Variants in KBTBD12 observed in about 807,000 individuals in gnomAD.
KBTBD12 encodes the protein kelch repeat and BTB domain-containing protein 12.
Under a neutral mutation model 58.7 loss-of-function variants are expected in KBTBD12, and 53 were observed. That is an observed-to-expected ratio of 0.90 (90% CI 0.72 to 1.14). The LOEUF (loss-of-function observed/expected upper bound fraction) is 1.14, where lower values mean the gene tolerates loss of function less well. KBTBD12 is among the 50% of genes most tolerant of loss of function. The probability of loss-of-function intolerance (pLI) is 0.00; values close to 1 mark genes in which losing one functional copy is unlikely to be tolerated. For synonymous variants in KBTBD12, 236 were observed against 259.8 expected (o/e 0.91, Z 0.88); for missense variants, 704 against 751.3 (o/e 0.94, Z 0.74).
chr3:127,917,385 G>A (rs1414456173), intron 1 of KBTBD12, among the ~76,000 whole-genome samples: 2 of 152,194 alleles, frequency 1.3e-5, no homozygotes, highest in African/African-American at 2.4e-5. Flanking sequence ...GGGGGAAGGG[G>A]TACAGCCAGG....
intron 4 of KBTBD12, among the ~76,000 whole-genome samples, chr3:127,941,431 C>A (rs1052745300): frequency 3.3e-5 from 5 of 152,152 alleles, no homozygotes; most frequent in Non-Finnish European, 7.3e-5. Context: ...GCCACATAAT[C>A]ACATCAATTG....
At chr3:127,938,538 T>C (rs1403276907) in intron 4 of KBTBD12, among the ~76,000 whole-genome samples, 2 of 152,058 alleles carry the variant, frequency 1.3e-5, no homozygotes, top group African/African-American at 4.8e-5. Context: ...AGACAACTGA[T>C]AACATGAAAT....
intron 5 of KBTBD12, among the ~76,000 whole-genome samples, chr3:127,982,532 G>A (rs59543419): frequency 1.7e-4 from 26 of 152,150 alleles, no homozygotes; most frequent in Admixed American, 3.3e-4. Flanking sequence ...GGATTCTCCC[G>A]TGGCCTACAC....
At chr3:127,948,007 C>A (rs1940121448) in intron 4 of KBTBD12, among the ~76,000 whole-genome samples, 1 of 152,142 alleles carries the variant, frequency 6.6e-6, no homozygotes, top group Admixed American at 6.5e-5. Flanking sequence ...CCTTCCATGA[C>A]ATCTTATAAA....
intron 5 of KBTBD12, among the ~76,000 whole-genome samples, chr3:127,968,912 C>T (rs1168043176): frequency 6.6e-6 from 1 of 152,002 alleles, no homozygotes; most frequent in Non-Finnish European, 1.5e-5. Context: ...AGATACTTAA[C>T]AAACTGGAAA....
chr3:127,945,916 T>A (rs1246690243), intron 4 of KBTBD12, among the ~76,000 whole-genome samples: 1 of 152,056 alleles, frequency 6.6e-6, no homozygotes, highest in East Asian at 1.9e-4. Context: ...TGGACTCAAA[T>A]GATCTGCCTG....
intron 4 of KBTBD12, among the ~76,000 whole-genome samples, chr3:127,953,322 C>G (rs1940249892): frequency 6.6e-6 from 1 of 152,154 alleles, no homozygotes; most frequent in African/African-American, 2.4e-5. Context: ...CGTTGGGAGT[C>G]AAAGGACTGA....
intron 5 of KBTBD12, among the ~76,000 whole-genome samples, chr3:127,983,351 G>A (rs902019126): frequency 4.6e-5 from 7 of 152,190 alleles, no homozygotes; most frequent in South Asian, 2.1e-4. Flanking sequence ...GTGGGGCCTA[G>A]TGGGAGGTGT....
At chr3:127,920,820 A>G (rs115003547) in intron 1 of KBTBD12, among the ~76,000 whole-genome samples, 2,220 of 151,942 alleles carry the variant, frequency 0.015, 33 homozygotes, top group Middle Eastern at 0.068. Context: ...CATCTTTGCT[A>G]CTCCATTTTT....
chr3:127,926,249 T>C (rs183612895), intron 2 of KBTBD12, among the ~76,000 whole-genome samples: 66 of 152,268 alleles, frequency 4.3e-4, no homozygotes, highest in African/African-American at 1.5e-3. Flanking sequence ...CCAGCAAACA[T>C]CTACTTTCTA....
intron 5 of KBTBD12, among the ~76,000 whole-genome samples, chr3:127,975,045 A>C (rs796492875): frequency 1.4e-4 from 22 of 152,344 alleles, no homozygotes; most frequent in African/African-American, 5.3e-4. Context: ...CAAGGCTTTG[A>C]GTGCAAATAG....
intron 4 of KBTBD12, among the ~76,000 whole-genome samples, chr3:127,940,818 C>G (rs1433574625): frequency 1.3e-5 from 2 of 151,676 alleles, no homozygotes; most frequent in Non-Finnish European, 2.9e-5. Context: ...GCAAGACTAA[C>G]CAATAAAAAG....
chr3:127,931,860 G>A lies in KBTBD12; in HGVS notation c.1492+1577G>A, dbSNP rs577472629. 2.0e-5 allele frequency among the ~76,000 whole-genome samples: 3 copies of A among 152,236 alleles called. No individual in the cohort carries two copies. In the East Asian group the frequency reaches 5.8e-4, roughly 29 times the overall value. ...TAAGCAGTGGTTTGGAGGTGAGAATGAAAGTGGTGAGAGTAGAGGATAAAA... is the reference window on the plus strand; with the variant it reads ...TAAGCAGTGGTTTGGAGGTGAGAATAAAAGTGGTGAGAGTAGAGGATAAAA... On this transcript the variant is annotated intron_variant, in intron 4 of 5. Transcript: ENST00000405109.
chr3:127,924,169 T>G, intron 2 of KBTBD12, 38 bp downstream of exon 2: 2 of 1,334,242 alleles, frequency 1.5e-6, no homozygotes, highest in Non-Finnish European at 2.1e-6. Context: ...ATTATTTTGT[T>G]TTGATACTAG....
rs749646113 is a variant in KBTBD12 at position 127,984,141 on chromosome 3, T to G, written c.1735T>G (p.Trp579Gly). Residue 579 changes from tryptophan to glycine, a missense_variant, in exon 6 of 6, where the codon TGG becomes GGG. Transcript: ENST00000405109. ...ISKEILELDP[W>G]ENQWNVVAIN... is the part of the protein sequence containing the mutation. ...CAAAGAAATATTGGAACTGGACCCATGGGAAAACCAGTGGAATGTTGTAGC... is the reference window on the plus strand; with the variant it reads ...CAAAGAAATATTGGAACTGGACCCAGGGGAAAACCAGTGGAATGTTGTAGC... 14 of 1,613,958 alleles carry G rather than the reference T, an allele frequency of 8.7e-6. No homozygotes were observed. In the Admixed American group the frequency reaches 2.3e-4, roughly 27 times the overall value.
At position 127,930,297 on chromosome 3, in the gene KBTBD12, G is replaced by T; in HGVS notation, c.1492+14G>T. ...TTTATGTTTTGGGTAAGAAGAAGCA[G>T]ATTGCTAACAGTATAACTACTTTTA... On this transcript the variant is annotated intron_variant, in intron 4 of 5. Coordinates refer to ENST00000405109, the MANE Select transcript of KBTBD12 (RefSeq NM_207335.4). 3 of 1,608,984 alleles carry T rather than the reference G, an allele frequency of 1.9e-6. No homozygotes were observed. Among genetic ancestry groups the T allele is most frequent in the East Asian group, 2.2e-5 (1 of 44,816 alleles).
chr3:127,982,153 G>A (rs1041367058), intron 5 of KBTBD12, among the ~76,000 whole-genome samples: 2 of 152,146 alleles, frequency 1.3e-5, no homozygotes, highest in African/African-American at 4.8e-5. Context: ...TTAGCAGGAG[G>A]AAAGAGCAGG....
chr3:127,944,289 A>T (rs2107600448), intron 4 of KBTBD12, among the ~76,000 whole-genome samples: 1 of 152,302 alleles, frequency 6.6e-6, no homozygotes, highest in Non-Finnish European at 1.5e-5. Flanking sequence ...TGCACATTTT[A>T]ACAATATTAA....
chr3:127,928,462 T>C (rs1939628507), intron 3 of KBTBD12, among the ~76,000 whole-genome samples: 2 of 152,250 alleles, frequency 1.3e-5, no homozygotes, highest in African/African-American at 4.8e-5. Context: ...GACACCAGAA[T>C]ACCGATCTGT....
Sources: gnomAD v4.1 joint callset for allele counts (sites outside exome capture counted in the v4.1 genomes callset) on GRCh38, gnomAD v4.1.1 for gene constraint, MANE v1.5 for transcripts, NCBI Gene and HGNC (gene_info 2026-07-23, HGNC 2026-07-21) for gene names.